Variants in VPS13C observed in about 807,000 individuals in gnomAD.
VPS13C encodes the protein vacuolar protein sorting 13 homolog C.
In VPS13C, 358 loss-of-function variants were observed where a neutral mutation model predicts 456.8. The observed-to-expected ratio is 0.78, with a 90% CI of 0.72 to 0.86. The LOEUF (loss-of-function observed/expected upper bound fraction) is 0.86, where lower values mean the gene tolerates loss of function less well. VPS13C is among the 40% of genes least tolerant of loss of function. VPS13C has a pLI of 0.00. For missense variants in VPS13C, 4,818 were observed against 4,385.4 expected (o/e 1.10, Z -2.79); for synonymous variants, 1,578 against 1,486.7 (o/e 1.06, Z -1.41).
chr15:61,875,334 C>T (rs1159884862), intron 76 of VPS13C, among the ~76,000 whole-genome samples: 7 of 152,090 alleles, frequency 4.6e-5, no homozygotes, highest in Non-Finnish European at 5.9e-5. Context: ...CTTTATTCTC[C>T]GAAAACCCTC....
chr15:61,856,446 G>A, intron 82 of VPS13C, 37 bp from the exon 83 acceptor site: 1 of 1,608,034 alleles, frequency 6.2e-7, no homozygotes, highest in East Asian at 2.2e-5. Context: ...TACAGTAAAT[G>A]ATGAAGACAG....
At chr15:61,978,537 G>A in intron 23 of VPS13C, 89 bp downstream of exon 23, 1 of 1,432,272 alleles carries the variant, frequency 7.0e-7, no homozygotes, top group Non-Finnish European at 9.3e-7. Flanking sequence ...TGGTTGTCAG[G>A]GTTGATATAT....
At chr15:61,899,702 A>G (rs530009340) in intron 66 of VPS13C, among the ~76,000 whole-genome samples, 151 of 151,258 alleles carry the variant, frequency 1.0e-3, no homozygotes, top group African/African-American at 3.6e-3. Context: ...AACTGGTACC[A>G]TTCCTTCTGA....
Position 61,949,383 on chromosome 15 carries a change from AGTT to A in VPS13C, c.4759+57_4759+59del, listed in dbSNP as rs373134315. On this transcript the variant is annotated intron_variant, in intron 42 of 84. Transcript: ENST00000644861. ...ATATTCATCTTAACTGAAAAAAACA[AGTT>A]GTTATATGATTATTAAAGTTCAAAG... The A allele has an allele frequency of 9.1e-5, 142 of 1,560,254 alleles. 1 individual carries two copies. In the East Asian group the frequency reaches 2.3e-3, roughly 25 times the overall value.
intron 25 of VPS13C, 123 bp from the exon 26 acceptor site, chr15:61,973,655 T>C: frequency 3.1e-6 from 2 of 641,814 alleles, no homozygotes; most frequent in South Asian, 3.9e-5. Flanking sequence ...ATACACACAA[T>C]ATAACACAAT....
At position 61,929,649 on chromosome 15, in the gene VPS13C, G is replaced by C; in HGVS notation, c.6138C>G (p.Asp2046Glu). The C allele has an allele frequency of 6.2e-7, 1 of 1,614,014 alleles. No individual in the cohort carries two copies. Residue 2046 changes from aspartate to glutamate, a missense_variant, in exon 51 of 85, where the codon GAC becomes GAG. Coordinates refer to ENST00000644861, the MANE Select transcript of VPS13C (RefSeq NM_020821.3). Reference sequence around the variant, plus strand: ...CCACACTGGCACATACATACAGCTTGTCAAGAACAGCATCAATTTGACTTC... The same window carrying C: ...CCACACTGGCACATACATACAGCTTCTCAAGAACAGCATCAATTTGACTTC... ...KNGSQIDAVL[D>E]KLYVCASVEF...
Position 62,011,737 on chromosome 15 carries a change from G to T in VPS13C, c.883+370C>A, listed in dbSNP as rs2047044267. ...GCAGGATTATGTTAACACTGCAATA[G>T]TAACATAAGGGTGACCTGAATACCA... On this transcript the variant is annotated intron_variant, in intron 12 of 84. Transcript: ENST00000644861. 2.0e-5 allele frequency among the ~76,000 whole-genome samples: 3 copies of T among 152,054 alleles called. No individual in the cohort carries two copies. The South Asian group carries it at 6.2e-4, about 31-fold the overall frequency.
In VPS13C at chr15:61,890,314, G is replaced by C; in HGVS notation, c.9192C>G (p.Phe3064Leu). The C allele has an allele frequency of 6.2e-7, 1 of 1,614,030 alleles. No homozygotes were observed. Among genetic ancestry groups the C allele is most frequent in the Non-Finnish European group, 8.5e-7 (1 of 1,180,018 alleles). ...TGGAAACCAAGGCAACATCATCGGT[G>C]AAAAGCAAAACTCTCTGGCGCCCAT... ...FLDGRQRVLLFTDDVALVSKA... is the reference protein window; with the variant it reads ...FLDGRQRVLLLTDDVALVSKA... Residue 3064 changes from phenylalanine (F) to leucine (L), a missense_variant, in exon 67 of 85, where the codon TTC becomes TTG. Physicochemically the swap from Phe to Leu is conservative, Grantham distance 22. Transcript: ENST00000644861.
chr15:62,046,384 G>C (rs1382150520), intron 1 of VPS13C, among the ~76,000 whole-genome samples: 1 of 152,156 alleles, frequency 6.6e-6, no homozygotes, highest in African/African-American at 2.4e-5. Flanking sequence ...GGGGAAAAAA[G>C]TCCTTACGTA....
intron 1 of VPS13C, among the ~76,000 whole-genome samples, chr15:62,050,581 T>A (rs575255805): frequency 8.5e-4 from 130 of 152,286 alleles, no homozygotes; most frequent in African/African-American, 3.0e-3. Flanking sequence ...TTGGATCACT[T>A]GAGCCCAGCA....
At chr15:62,037,744 A>T (rs1269780679) in intron 3 of VPS13C, among the ~76,000 whole-genome samples, 3 of 151,958 alleles carry the variant, frequency 2.0e-5, no homozygotes, top group Non-Finnish European at 4.4e-5. Flanking sequence ...TCTATATTCT[A>T]GGATTTCAGT....
At position 61,874,895 on chromosome 15, in the gene VPS13C, G is replaced by T; in HGVS notation, c.10395C>A (p.Ser3465Arg). 1 of 1,592,758 alleles carries T rather than the reference G, an allele frequency of 6.3e-7. No homozygotes were observed. The highest frequency in any genetic ancestry group is 8.5e-7 in the Non-Finnish European group (1 of 1,170,820). ...ACATACCTACTGTGTGTCCAAAGAGGCTTCTCACTCCAATCACTAACCCCT... is the reference window on the plus strand; with the variant it reads ...ACATACCTACTGTGTGTCCAAAGAGTCTTCTCACTCCAATCACTAACCCCT... Reference protein sequence around the residue: ...FAEGLVIGVRSLFGHTVGGAA... With the variant: ...FAEGLVIGVRRLFGHTVGGAA... Residue 3465 changes from serine to arginine, a missense_variant, in exon 77 of 85, where the codon AGC becomes AGA. Physicochemically the swap from Ser to Arg is moderately radical, Grantham distance 110 (BLOSUM62 -1). Coordinates refer to ENST00000644861, the MANE Select transcript of VPS13C (RefSeq NM_020821.3).
chr15:61,938,683 C>T (rs139433493), intron 47 of VPS13C, among the ~76,000 whole-genome samples: 1,637 of 152,224 alleles, frequency 0.011, 29 homozygotes, highest in African/African-American at 0.037. Flanking sequence ...AGGAAAAGGA[C>T]AGAGAATACT....
At chr15:61,966,209 A>ACT in intron 29 of VPS13C, 67 bp from the exon 30 acceptor site, 1 of 1,063,668 alleles carries the variant, frequency 9.4e-7, no homozygotes, top group Non-Finnish European at 1.4e-6. Flanking sequence ...CTTATTTATT[A>ACT]TCTCTGGTTA....
chr15:61,869,768 T>C, intron 79 of VPS13C, 145 bp from the exon 80 acceptor site: 3 of 1,383,526 alleles, frequency 2.2e-6, no homozygotes, highest in Non-Finnish European at 2.9e-6. Context: ...AATGTAATCC[T>C]AATGTGATAA....
intron 20 of VPS13C, among the ~76,000 whole-genome samples, chr15:61,983,543 T>C (rs905567672): frequency 1.1e-4 from 17 of 152,170 alleles, no homozygotes; most frequent in African/African-American, 2.2e-4. Context: ...TTGGAAGTCG[T>C]TGGCAAATAA....
At chr15:62,050,380 C>T (rs1040203924) in intron 1 of VPS13C, among the ~76,000 whole-genome samples, 10 of 152,202 alleles carry the variant, frequency 6.6e-5, no homozygotes, top group African/African-American at 2.4e-4. Context: ...AGTAAGTAGT[C>T]TGTGCTTCAG....
intron 66 of VPS13C, among the ~76,000 whole-genome samples, chr15:61,897,540 G>A (rs1345736663): frequency 6.6e-6 from 1 of 152,082 alleles, no homozygotes; most frequent in African/African-American, 2.4e-5. Context: ...AGCGAGAAAG[G>A]AAGTTTAGAG....
At chr15:62,034,581 T>A (rs1450712129) in intron 4 of VPS13C, among the ~76,000 whole-genome samples, 2 of 151,446 alleles carry the variant, frequency 1.3e-5, no homozygotes, top group African/African-American at 4.8e-5. Context: ...GGAAAAAAAA[T>A]AAATTTTTCA....
Sources: allele counts gnomAD v4.1 joint callset (sites outside exome capture counted in the v4.1 genomes callset), GRCh38; gene constraint gnomAD v4.1.1; transcripts MANE v1.5; gene names NCBI Gene and HGNC (gene_info 2026-07-23, HGNC 2026-07-21).